Variants in OTOP1 observed in about 807,000 individuals in gnomAD.
The protein encoded by OTOP1 is otopetrin 1, also known as proton channel OTOP1.
Under a neutral mutation model 52.9 loss-of-function variants are expected in OTOP1, and 59 were observed. That is an observed-to-expected ratio of 1.12 (90% CI 0.91 to 1.39). The LOEUF (loss-of-function observed/expected upper bound fraction) is 1.39, where lower values mean the gene tolerates loss of function less well. Among genes scored for constraint, OTOP1 ranks in the 40% most tolerant of loss-of-function variants. The pLI is 0.00. For synonymous variants in OTOP1, 317 were observed against 337.7 expected (o/e 0.94, Z 0.67); for missense variants, 761 against 800.9 (o/e 0.95, Z 0.60).
chr4:4,211,477 T>C (rs570013618), intron 2 of OTOP1, among the ~76,000 whole-genome samples: 199 of 152,300 alleles, frequency 1.3e-3, no homozygotes, highest in African/African-American at 4.5e-3. Flanking sequence ...AGCCTGCCAT[T>C]TGCAACAACA....
intron 1 of OTOP1, among the ~76,000 whole-genome samples, chr4:4,220,103 A>ATT (rs1463272602): frequency 3.5e-4 from 19 of 53,588 alleles, no homozygotes; most frequent in Admixed American, 1.9e-3. Context: ...ATATATATAT[A>ATT]TATTTTTTTT....
At chr4:4,200,910 T>A (rs546166008) in intron 4 of OTOP1, among the ~76,000 whole-genome samples, 1 of 152,214 alleles carries the variant, frequency 6.6e-6, no homozygotes, top group African/African-American at 2.4e-5. Context: ...CAATACGGTG[T>A]TATGCAGAAG....
chr4:4,217,888 T>C (rs1410489981), intron 1 of OTOP1, among the ~76,000 whole-genome samples: 2 of 152,072 alleles, frequency 1.3e-5, no homozygotes, highest in East Asian at 3.8e-4. Flanking sequence ...TAGTGACCAA[T>C]CAACTTTGTG....
chr4:4,197,876 T>C lies in OTOP1; in HGVS notation c.958A>G (p.Thr320Ala), dbSNP rs767665275. 2 of 1,613,914 alleles carry C rather than the reference T, an allele frequency of 1.2e-6. No homozygotes were observed. The highest frequency in any genetic ancestry group is 2.2e-5 in the East Asian group (1 of 44,868). The change falls in exon 5 of 6, where the codon ACC (threonine) becomes GCC (alanine). Residue 320 changes from threonine (T) to alanine (A), a missense_variant. Around this residue, in one of 3 missense-constraint regions of OTOP1, gnomAD observed 632 missense variants for 619.5 expected, o/e 1.02. Coordinates refer to ENST00000296358, the MANE Select transcript of OTOP1 (RefSeq NM_177998.3). Reference protein sequence around the residue: ...GVMVGAVLGLTVLAATIAVVV... With the variant: ...GVMVGAVLGLAVLAATIAVVV... Reference sequence around the variant, plus strand: ...ACAGCAATGGTGGCGGCCAGCACGGTCAGGCCCAGGACTGCGCCCACCATG... The same window carrying C: ...ACAGCAATGGTGGCGGCCAGCACGGCCAGGCCCAGGACTGCGCCCACCATG...
rs140331802 is a variant in OTOP1 at position 4,202,519 on chromosome 4, T to C, written c.659A>G (p.Asn220Ser). ...NLLLWANGVL[N>S]ESKHQLNEHK... Reference sequence around the variant, plus strand: ...CTCATTGAGTTGGTGCTTTGACTCATTGAGGACGCCATTGGCCCACAGAAG... The same window carrying C: ...CTCATTGAGTTGGTGCTTTGACTCACTGAGGACGCCATTGGCCCACAGAAG... Residue 220 changes from asparagine to serine, a missense_variant, in exon 4 of 6, where the codon AAT becomes AGT. This residue lies in a region of OTOP1 where 632 missense variants were observed against 619.5 expected (regional missense o/e 1.02). Transcript: ENST00000296358. 17 of 1,613,992 alleles carry C rather than the reference T, an allele frequency of 1.1e-5. No homozygotes were observed. The East Asian group carries it at 1.3e-4, about 13-fold the overall frequency.
intron 5 of OTOP1, among the ~76,000 whole-genome samples, chr4:4,191,976 C>A (rs1716519318): frequency 6.6e-6 from 1 of 152,176 alleles, no homozygotes; most frequent in African/African-American, 2.4e-5. Flanking sequence ...GACCTCTTTT[C>A]TGAAATCCAC....
Position 4,197,891 on chromosome 4 carries a change from C to T in OTOP1, c.943G>A (p.Ala315Thr), listed in dbSNP as rs561501386. 9.3e-6 allele frequency: 15 copies of T among 1,614,082 alleles called. No individual in the cohort carries two copies. The African/African-American group carries it at 9.3e-5, about 10-fold the overall frequency. ...QFKSDGVMVG[A>T]VLGLTVLAAT... ...GCCAGCACGGTCAGGCCCAGGACTGCGCCCACCATGACCCCATCAGACTTG... is the reference window on the plus strand; with the variant it reads ...GCCAGCACGGTCAGGCCCAGGACTGTGCCCACCATGACCCCATCAGACTTG... The change falls in exon 5 of 6, where the codon GCA becomes ACA. Residue 315 changes from alanine (A) to threonine (T), a missense_variant. Coordinates refer to ENST00000296358, the MANE Select transcript of OTOP1 (RefSeq NM_177998.3).
intron 5 of OTOP1, among the ~76,000 whole-genome samples, chr4:4,195,760 C>T (rs1456815978): frequency 6.6e-6 from 1 of 152,206 alleles, no homozygotes; most frequent in Admixed American, 6.5e-5. Flanking sequence ...TGACAGTGGG[C>T]CTCACGTCAA....
intron 5 of OTOP1, 100 bp downstream of exon 5, chr4:4,197,066 G>A (rs770941235): frequency 1.8e-5 from 22 of 1,245,270 alleles, no homozygotes; most frequent in African/African-American, 4.6e-5. Context: ...TCAGCAACAC[G>A]CAATTTACCC....
chr4:4,198,692 T>C (rs1716708517), intron 4 of OTOP1, among the ~76,000 whole-genome samples: 1 of 151,826 alleles, frequency 6.6e-6, no homozygotes, highest in South Asian at 2.1e-4. Flanking sequence ...CCGATATCGG[T>C]GCGGGGAAAG....
intron 3 of OTOP1, among the ~76,000 whole-genome samples, chr4:4,204,712 C>CTGTGTGTG (rs10526016): frequency 7.3e-4 from 110 of 149,994 alleles, no homozygotes; most frequent in African/African-American, 2.3e-3. Context: ...TTTCCTTCAT[C>CTGTGTGTG]TGTGTGTGTG....
intron 1 of OTOP1, among the ~76,000 whole-genome samples, chr4:4,224,853 G>C (rs55973803): frequency 0.44 from 66,803 of 151,922 alleles, 14,772 homozygotes; most frequent in African/African-American, 0.48. Context: ...GTGGCCCATA[G>C]AAGTGAGGAG....
chr4:4,192,547 GC>G (rs1716535648), intron 5 of OTOP1, among the ~76,000 whole-genome samples: 1 of 152,194 alleles, frequency 6.6e-6, no homozygotes, highest in Non-Finnish European at 1.5e-5. Flanking sequence ...CCATTTGGAT[GC>G]CACAGAGGCA....
At position 4,197,962 on chromosome 4, in the gene OTOP1, T is replaced by A. The variant is rs778205751; in HGVS notation, c.872A>T (p.Asn291Ile). The change falls in exon 5 of 6, where the codon AAC becomes ATC. Residue 291 changes from asparagine to isoleucine, a missense_variant. Coordinates refer to ENST00000296358, the MANE Select transcript of OTOP1 (RefSeq NM_177998.3). ...ATGGCTGTCAACTTTGCGCCCGATG[T>A]TCTTCCACAGGACGTAGAGCATTGT... ...ASTMLYVLWK[N>I]IGRKVDSHQH... is the part of the protein sequence containing the mutation. 8 of 1,613,954 alleles carry A rather than the reference T, an allele frequency of 5.0e-6. No homozygotes were observed. The highest frequency in any genetic ancestry group is 6.8e-6 in the Non-Finnish European group (8 of 1,180,012).
chr4:4,199,233 T>TGTGTGTGTGTGTGTGTGTGTGA (rs1212354837), intron 4 of OTOP1, among the ~76,000 whole-genome samples: 1 of 98,498 alleles, frequency 1.0e-5, no homozygotes, highest in African/African-American at 4.4e-5. Context: ...TGTGTGTGTG[T>TGTGTGTGTGTGTGTGTGTGTGA]GAGAGAGAGA....
intron 3 of OTOP1, among the ~76,000 whole-genome samples, chr4:4,204,794 T>C (rs1464427321): frequency 6.6e-6 from 1 of 151,918 alleles, no homozygotes; most frequent in Non-Finnish European, 1.5e-5. Flanking sequence ...CTTTTTGAGA[T>C]GGAATCTCGC....
chr4:4,198,525 G>T (rs867646491), intron 4 of OTOP1, among the ~76,000 whole-genome samples: 1 of 152,142 alleles, frequency 6.6e-6, no homozygotes, highest in Non-Finnish European at 1.5e-5. Flanking sequence ...TTGCTTCCCT[G>T]TATTTTCTAA....
In OTOP1 at chr4:4,198,034, A is replaced by T. The variant is rs377036972; in HGVS notation, c.800T>A (p.Ile267Asn). 4.6e-5 allele frequency: 75 copies of T among 1,614,126 alleles called. No individual in the cohort carries two copies. In the South Asian group the frequency reaches 7.5e-4, roughly 16 times the overall value. ...PTLCTAISHG[I>N]YYLYPFNIEY... ...TATGTTGAAGGGGTAGAGGTAGTAG[A>T]TCCCGTGGGAGATGGCAGTGCACAG... is the stretch of plus-strand genomic sequence containing the variant. Residue 267 changes from isoleucine to asparagine, a missense_variant, in exon 5 of 6, where the codon ATC (isoleucine) becomes AAC (asparagine). This residue lies in a region of OTOP1 where 632 missense variants were observed against 619.5 expected (regional missense o/e 1.02). Transcript: ENST00000296358.
intron 1 of OTOP1, among the ~76,000 whole-genome samples, chr4:4,222,545 C>T (rs532917422): frequency 1.3e-5 from 2 of 152,314 alleles, no homozygotes; most frequent in East Asian, 1.9e-4. Flanking sequence ...TTGGCAGCCA[C>T]ATTCGCTTGT....
Sources: gnomAD v4.1 joint callset for allele counts (sites outside exome capture counted in the v4.1 genomes callset) on GRCh38, gnomAD v4.1.1 for gene constraint, gnomAD v4.1.1 regional missense constraint, MANE v1.5 for transcripts, NCBI Gene and HGNC (gene_info 2026-07-23, HGNC 2026-07-21) for gene names.